The following GPC6 variants were observed in gnomAD, a reference collection of about 807,000 sequenced individuals.
GPC6 encodes the protein glypican-6.
A neutral mutation model predicts 55.2 loss-of-function variants in GPC6; 14 were observed. That is an observed-to-expected ratio of 0.25 (90% CI 0.17 to 0.40). The LOEUF (loss-of-function observed/expected upper bound fraction) is 0.40, where lower values mean the gene tolerates loss of function less well. GPC6 is among the 10% of genes least tolerant of loss of function. The probability of loss-of-function intolerance (pLI) is 1.00; values close to 1 mark genes in which losing one functional copy is unlikely to be tolerated. For synonymous variants in GPC6, 278 were observed against 259.6 expected (o/e 1.07, Z -0.68); for missense variants, 641 against 708.5 (o/e 0.90, Z 1.08).
At chr13:93,996,869 A>T (rs983214070) in intron 3 of GPC6, among the ~76,000 whole-genome samples, 5 of 152,180 alleles carry the variant, frequency 3.3e-5, no homozygotes, top group African/African-American at 9.6e-5. Context: ...AATTGGGATT[A>T]TAGGACATCT....
In GPC6 at chr13:93,921,761, G is replaced by A. The variant is rs951299809; in HGVS notation, c.711+91216G>A. On this transcript the variant is annotated intron_variant, in intron 3 of 8. Transcript: ENST00000377047. The stretch of plus-strand genomic sequence containing the variant: ...AGCATTTGGGTGTGAAAACAGGAAT[G>A]CCTGTTTCCATTTAGAGCCATTTAC... Among the ~76,000 whole-genome samples, 4 of 151,652 alleles carry A rather than the reference G, an allele frequency of 2.6e-5. No homozygotes were observed. The East Asian group carries it at 7.9e-4, about 30-fold the overall frequency.
intron 2 of GPC6, among the ~76,000 whole-genome samples, chr13:93,641,008 A>G (rs1879911232): frequency 1.3e-5 from 2 of 151,982 alleles, no homozygotes; most frequent in South Asian, 4.1e-4. Context: ...CCATTCACAG[A>G]GATGGAAGGA....
At chr13:93,778,125 C>A (rs1230802673) in intron 2 of GPC6, among the ~76,000 whole-genome samples, 1 of 152,158 alleles carries the variant, frequency 6.6e-6, no homozygotes, top group Non-Finnish European at 1.5e-5. Flanking sequence ...GCTTTCCCTG[C>A]TAAATCTGTT....
rs1171693820 is a variant in GPC6, at chr13:93,553,963, C to T, written c.319+8542C>T. Among the ~76,000 whole-genome samples the T allele has an allele frequency of 2.5e-4, 30 of 119,536 alleles. 1 individual carries two copies. Among genetic ancestry groups the T allele is most frequent in the Admixed American group, 1.7e-3 (18 of 10,770 alleles). The allele number at this position is 119,536 out of a possible 152,430, so 78.4% of individuals were successfully genotyped here. On this transcript the variant is annotated intron_variant, in intron 2 of 8. Coordinates refer to ENST00000377047, the MANE Select transcript of GPC6 (RefSeq NM_005708.5). ...CAGCCTGGACAACATGGTAAAACTC[C>T]GTCTCTACTAAAAAAAAAAAAAAAA...
intron 4 of GPC6, among the ~76,000 whole-genome samples, chr13:94,171,251 T>C (rs565999888): frequency 2.7e-4 from 41 of 152,326 alleles, no homozygotes; most frequent in African/African-American, 9.4e-4. Context: ...TTTCTCATCC[T>C]ATAGCAAATT....
chr13:93,601,616 C>T (rs1878018742), intron 2 of GPC6, among the ~76,000 whole-genome samples: 1 of 152,156 alleles, frequency 6.6e-6, no homozygotes, highest in Non-Finnish European at 1.5e-5. Flanking sequence ...GGCTAAAAAG[C>T]TTTGCAGTTC....
At chr13:93,764,937 C>T (rs1285530771) in intron 2 of GPC6, among the ~76,000 whole-genome samples, 3 of 151,976 alleles carry the variant, frequency 2.0e-5, no homozygotes, top group African/African-American at 7.3e-5. Context: ...GTAGCTGGGA[C>T]TACAGGCGCG....
intron 1 of GPC6, among the ~76,000 whole-genome samples, chr13:93,520,503 A>T (rs2590540): frequency 0.94 from 143,049 of 151,866 alleles, 67,953 homozygotes; most frequent in East Asian, 1. Flanking sequence ...TAAAGGAATC[A>T]GTAAGTATCC....
intron 3 of GPC6, among the ~76,000 whole-genome samples, chr13:93,853,386 ATTTC>A (rs1054638297): frequency 6.6e-6 from 1 of 151,616 alleles, no homozygotes; most frequent in African/African-American, 2.4e-5. Flanking sequence ...CTCCACAACA[ATTTC>A]TTTGTCTTTC....
At chr13:93,324,560 G>GTATATATATATACACACATACATACA (rs1879574536) in intron 1 of GPC6, among the ~76,000 whole-genome samples, 7 of 116,456 alleles carry the variant, frequency 6.0e-5, no homozygotes, top group African/African-American at 2.6e-4. Context: ...ATATATATGT[G>GTATATATATATACACACATACATACA]TATATATATA....
chr13:94,205,680 G>A (rs1889879081), intron 4 of GPC6, among the ~76,000 whole-genome samples: 1 of 152,176 alleles, frequency 6.6e-6, no homozygotes, highest in Admixed American at 6.5e-5. Context: ...CATCTTCTAA[G>A]TCTCATCTTA....
rs1880988522 is a variant in GPC6, at chr13:94,398,458, C to T, written c.1290-8C>T. 1.1e-5 allele frequency: 18 copies of T among 1,608,088 alleles called. No homozygotes were observed. The highest frequency in any genetic ancestry group is 1.5e-5 in the Non-Finnish European group (18 of 1,174,662). ...CCCTGAGGTGTTCTCTCACTCTCTG[C>T]CTTGCAGATACTTGCCTGAGATCAT... is the stretch of plus-strand genomic sequence containing the variant. On this transcript the variant is annotated splice_region_variant and splice_polypyrimidine_tract_variant and intron_variant, in intron 7 of 8. Transcript: ENST00000377047.
intron 1 of GPC6, among the ~76,000 whole-genome samples, chr13:93,232,685 A>G (rs1876102177): frequency 6.6e-6 from 1 of 152,192 alleles, no homozygotes; most frequent in Non-Finnish European, 1.5e-5. Context: ...GTATTATGGC[A>G]TAAAGATTGT....
At chr13:93,286,159 G>T (rs1878117290) in intron 1 of GPC6, among the ~76,000 whole-genome samples, 1 of 152,150 alleles carries the variant, frequency 6.6e-6, no homozygotes, top group African/African-American at 2.4e-5. Context: ...AACCCTGGCA[G>T]AAGGCACCTT....
chr13:94,003,417 A>C (rs971389729), intron 3 of GPC6, among the ~76,000 whole-genome samples: 2 of 152,232 alleles, frequency 1.3e-5, no homozygotes, highest in African/African-American at 4.8e-5. Context: ...AGAAGTGTCA[A>C]AATTACAAGA....
At chr13:94,267,641 ATTC>A (rs1410524588) in intron 4 of GPC6, among the ~76,000 whole-genome samples, 1 of 152,206 alleles carries the variant, frequency 6.6e-6, no homozygotes, top group Non-Finnish European at 1.5e-5. Context: ...TCGACACAGA[ATTC>A]TTCTTCATTT....
intron 2 of GPC6, among the ~76,000 whole-genome samples, chr13:93,771,618 T>C (rs1226426431): frequency 6.6e-6 from 1 of 152,078 alleles, no homozygotes; most frequent in East Asian, 1.9e-4. Flanking sequence ...AAATACCTAA[T>C]GCTAGATGAC....
In GPC6 at chr13:94,186,059, C is replaced by CAAAAAAAAAAAA. The variant is rs776003680; in HGVS notation, c.878-100290_878-100289insAAAAAAAAAAAA. 1.4e-4 allele frequency among the ~76,000 whole-genome samples: 9 copies of CAAAAAAAAAAAA among 63,858 alleles called. 3 individuals are homozygous for CAAAAAAAAAAAA. Among genetic ancestry groups the CAAAAAAAAAAAA allele is most frequent in the African/African-American group, 4.1e-4 (7 of 17,126 alleles). 41.9% of individuals were successfully genotyped at this position (63,858 alleles called of 152,430 possible). On this transcript the variant is annotated intron_variant, in intron 4 of 8. Coordinates refer to ENST00000377047, the MANE Select transcript of GPC6 (RefSeq NM_005708.5). ...TAGGTGACAGAGCGAGACTCCGTCT[C>CAAAAAAAAAAAA]CAAAAAAAAAAAAAAAAAAAAGGTT...
intron 1 of GPC6, among the ~76,000 whole-genome samples, chr13:93,496,297 C>T (rs569054321): frequency 6.6e-6 from 1 of 152,160 alleles, no homozygotes. Context: ...TCAGGTGCGT[C>T]CCTCACCCCT....
Sources: gnomAD v4.1 joint callset for allele counts (sites outside exome capture counted in the v4.1 genomes callset) on GRCh38, gnomAD v4.1.1 for gene constraint, MANE v1.5 for transcripts, NCBI Gene and HGNC (gene_info 2026-07-23, HGNC 2026-07-21) for gene names.